DENND5B: variants seen among roughly 807,000 people sequenced by gnomAD.
DENND5B encodes DENN domain containing 5B, also known as DENN domain-containing protein 5B.
A neutral mutation model predicts 140.6 loss-of-function variants in DENND5B; 34 were observed. That is an observed-to-expected ratio of 0.24 (90% CI 0.18 to 0.32). DENND5B has a LOEUF of 0.32. DENND5B is among the 10% of genes least tolerant of loss of function. The pLI is 1.00. For missense variants in DENND5B, 1,142 were observed against 1,560.2 expected (o/e 0.73, Z 4.52); for synonymous variants, 551 against 562.1 (o/e 0.98, Z 0.28).
At chr12:31,429,461 T>G (rs1324306047) in intron 8 of DENND5B, among the ~76,000 whole-genome samples, 1 of 152,226 alleles carries the variant, frequency 6.6e-6, no homozygotes, top group East Asian at 1.9e-4. Flanking sequence ...CAGGCTGGAG[T>G]GCAGTGGCTC....
At position 31,479,561 on chromosome 12, in the gene DENND5B, G is replaced by A. The variant is rs78889675; in HGVS notation, c.904+28C>T. The A allele has an allele frequency of 1.5e-5, 22 of 1,455,146 alleles. No homozygotes were observed. The East Asian group carries it at 5.3e-4, about 35-fold the overall frequency. 90.1% of individuals were successfully genotyped at this position (1,455,146 alleles called of 1,614,324 possible). Reference sequence around the variant, plus strand: ...TTGGGAGCAAAAGTACTTGTTTTTGGAAAATGTAAAATCCAAGGAAAACCT... The same window carrying A: ...TTGGGAGCAAAAGTACTTGTTTTTGAAAAATGTAAAATCCAAGGAAAACCT... On this transcript the variant is annotated intron_variant, in intron 3 of 20. Coordinates refer to ENST00000389082, the MANE Select transcript of DENND5B (RefSeq NM_144973.4).
intron 3 of DENND5B, among the ~76,000 whole-genome samples, chr12:31,467,002 T>C (rs868108160): frequency 7.2e-5 from 11 of 152,284 alleles, no homozygotes; most frequent in Middle Eastern, 3.4e-3. Context: ...TTAGAGGTGA[T>C]GGCTGACTTC....
At chr12:31,466,628 G>C (rs1394206817) in intron 3 of DENND5B, among the ~76,000 whole-genome samples, 2 of 152,150 alleles carry the variant, frequency 1.3e-5, no homozygotes, top group Non-Finnish European at 2.9e-5. Context: ...AGGAGGCGAA[G>C]GTTACAGTGA....
At chr12:31,528,435 TA>T (rs1283558915) in intron 1 of DENND5B, among the ~76,000 whole-genome samples, 1 of 152,126 alleles carries the variant, frequency 6.6e-6, no homozygotes, top group Non-Finnish European at 1.5e-5. Flanking sequence ...TCTGTAAAGA[TA>T]TTTTTTTTCC....
At chr12:31,429,028 G>T (rs574973047) in intron 8 of DENND5B, among the ~76,000 whole-genome samples, 12 of 151,864 alleles carry the variant, frequency 7.9e-5, no homozygotes, top group Admixed American at 6.6e-4. Flanking sequence ...ACTGCACCCG[G>T]CCACGCCCGG....
At chr12:31,400,044 G>A (rs1206882371) in intron 15 of DENND5B, among the ~76,000 whole-genome samples, 1 of 152,204 alleles carries the variant, frequency 6.6e-6, no homozygotes, top group Non-Finnish European at 1.5e-5. Context: ...CTAGAAGAAC[G>A]CTGGGGAAGG....
chr12:31,566,181 ATGG>A (rs937612796), intron 1 of DENND5B, among the ~76,000 whole-genome samples: 3 of 152,096 alleles, frequency 2.0e-5, no homozygotes, highest in Non-Finnish European at 4.4e-5. Context: ...GAAGCCAGTC[ATGG>A]TGGTGCACAC....
Position 31,585,235 on chromosome 12 carries a change from T to C in DENND5B, c.127+5471A>G, listed in dbSNP as rs751741231. 2.0e-5 allele frequency among the ~76,000 whole-genome samples: 3 copies of C among 152,178 alleles called. No individual in the cohort carries two copies. In the East Asian group the frequency reaches 5.8e-4, roughly 29 times the overall value. The stretch of plus-strand genomic sequence containing the variant: ...ACAGCAACCAGATCTTGAATCTTCT[T>C]TGGCCTCATTAAAATGAAGGCTGAT... On this transcript the variant is annotated intron_variant, in intron 1 of 20. Coordinates refer to ENST00000389082, the MANE Select transcript of DENND5B (RefSeq NM_144973.4).
At chr12:31,442,373 GAAT>G (rs535387201) in intron 7 of DENND5B, among the ~76,000 whole-genome samples, 49 of 152,282 alleles carry the variant, frequency 3.2e-4, no homozygotes, top group African/African-American at 1.1e-3. Flanking sequence ...AACTGTGGAA[GAAT>G]AATTTCTGTT....
intron 13 of DENND5B, among the ~76,000 whole-genome samples, chr12:31,412,114 ATTT>A: frequency 6.6e-6 from 1 of 152,000 alleles, no homozygotes; most frequent in East Asian, 1.9e-4. Flanking sequence ...TGCCCGGTTA[ATTT>A]TTTTATTTTT....
chr12:31,552,326 T>C (rs552030388), intron 1 of DENND5B, among the ~76,000 whole-genome samples: 1 of 152,204 alleles, frequency 6.6e-6, no homozygotes, highest in Non-Finnish European at 1.5e-5. Context: ...GATAATCATG[T>C]GGTTTTTGTC....
At position 31,567,798 on chromosome 12, in the gene DENND5B, C is replaced by T. The variant is rs543896078; in HGVS notation, c.127+22908G>A. Among the ~76,000 whole-genome samples the T allele has an allele frequency of 2.0e-4, 31 of 152,286 alleles. 1 individual carries two copies. In the South Asian group the frequency reaches 5.4e-3, roughly 26 times the overall value. ...TGCACTCCAGCCTAGGCAAACAGAG[C>T]AAGATTCCACCTCTTTAAAAAACAA... is the stretch of plus-strand genomic sequence containing the variant. On this transcript the variant is annotated intron_variant, in intron 1 of 20. Transcript: ENST00000389082.
chr12:31,423,509 TGAGA>T (rs1240596116), intron 11 of DENND5B, 84 bp downstream of exon 11: 43 of 1,351,598 alleles, frequency 3.2e-5, no homozygotes, highest in Non-Finnish European at 1.6e-5. Flanking sequence ...AATTTTAGCT[TGAGA>T]GAGAAAGAGA....
rs116132660 is a variant in DENND5B, at chr12:31,460,275, A to G, written c.1011T>C (p.Phe337=). 2,863 of 1,613,964 alleles carry G rather than the reference A, an allele frequency of 1.8e-3. 44 individuals carry two copies. The African/African-American group carries it at 0.034, about 19-fold the overall frequency. ...TCAGATAAGGGACAGGAGCATCAAG[A>G]AAATGTAGCAGAGAAGCAGGTAGAA... ...VPILPASLLH[F]LDAPVPYLMG... is the part of the protein sequence containing the mutation. Residue 337 remains phenylalanine (F), a synonymous_variant, in exon 4 of 21, where the codon TTT becomes TTC. Transcript: ENST00000389082.
chr12:31,542,679 G>C (rs1948721526), intron 1 of DENND5B, among the ~76,000 whole-genome samples: 1 of 151,308 alleles, frequency 6.6e-6, no homozygotes, highest in Non-Finnish European at 1.5e-5. Flanking sequence ...AAATGGGTAG[G>C]GCACGGTGGC....
intron 1 of DENND5B, among the ~76,000 whole-genome samples, chr12:31,563,917 G>C (rs1422015514): frequency 1.3e-5 from 2 of 152,170 alleles, no homozygotes; most frequent in Non-Finnish European, 2.9e-5. Flanking sequence ...AGGAGTTCAA[G>C]ACCAGCCTGG....
intron 8 of DENND5B, among the ~76,000 whole-genome samples, chr12:31,427,449 T>A (rs1943293678): frequency 6.6e-6 from 1 of 151,688 alleles, no homozygotes; most frequent in African/African-American, 2.4e-5. Context: ...CTACTAAAAA[T>A]ACAAAAATTA....
At chr12:31,590,612 CTT>C (rs1210673113) in intron 1 of DENND5B, 92 bp downstream of exon 1, 3 of 1,334,178 alleles carry the variant, frequency 2.2e-6, no homozygotes, top group Non-Finnish European at 2.9e-6. Context: ...CGGGAGCTGA[CTT>C]TGTCTGGAGC....
At chr12:31,563,839 G>C (rs1347524532) in intron 1 of DENND5B, among the ~76,000 whole-genome samples, 1 of 152,152 alleles carries the variant, frequency 6.6e-6, no homozygotes, top group East Asian at 1.9e-4. Context: ...AAAGTGGGCC[G>C]GTTGTGGTGG....
Sources: allele counts gnomAD v4.1 joint callset (sites outside exome capture counted in the v4.1 genomes callset), GRCh38; gene constraint gnomAD v4.1.1; transcripts MANE v1.5; gene names NCBI Gene and HGNC (gene_info 2026-07-23, HGNC 2026-07-21).